ZNF385D: variants seen among roughly 807,000 people sequenced by gnomAD.
ZNF385D encodes zinc finger protein 385D.
A neutral mutation model predicts 35.8 loss-of-function variants in ZNF385D; 15 were observed. That is an observed-to-expected ratio of 0.42 (90% CI 0.28 to 0.64). The LOEUF is 0.64. ZNF385D is among the 30% of genes least tolerant of loss of function. The pLI is 0.23. For synonymous variants in ZNF385D, 212 were observed against 186.8 expected (o/e 1.13, Z -1.10); for missense variants, 474 against 494.6 (o/e 0.96, Z 0.39).
intron 4 of ZNF385D, among the ~76,000 whole-genome samples, chr3:21,502,314 A>G (rs1706435974): frequency 1.3e-5 from 2 of 152,214 alleles, no homozygotes; most frequent in Middle Eastern, 6.8e-3. Context: ...TCCCTCCAAC[A>G]TCATTTACTC....
At chr3:22,106,598 C>G (rs954077765) in intron 3 of ZNF385D, among the ~76,000 whole-genome samples, 1 of 152,124 alleles carries the variant, frequency 6.6e-6, no homozygotes, top group Admixed American at 6.6e-5. Flanking sequence ...TCTCACCAGT[C>G]CCTGCCCCCT....
At position 21,419,628 on chromosome 3, in the gene ZNF385D, T is replaced by G. The variant is rs2125235669; in HGVS notation, c.*1586A>C. On this transcript the variant is annotated 3_prime_UTR_variant, in exon 8 of 8. Coordinates refer to ENST00000281523, the MANE Select transcript of ZNF385D (RefSeq NM_024697.3). ...TTCTAAGTTTCAGTGTCATTGCTCT[T>G]ATTAATGCAACAGACTGGCTGCATC... The G allele has an allele frequency of 6.6e-6, 1 of 152,244 alleles. No homozygotes were observed. The highest frequency in any genetic ancestry group is 1.9e-4 in the East Asian group (1 of 5,178). 9.4% of individuals were successfully genotyped at this position (152,244 alleles called of 1,614,324 possible).
At chr3:22,262,343 T>C (rs1266941702) in intron 2 of ZNF385D, among the ~76,000 whole-genome samples, 1 of 151,830 alleles carries the variant, frequency 6.6e-6, no homozygotes, top group Non-Finnish European at 1.5e-5. Context: ...CATGGAAGAA[T>C]GGGTAAGAAA....
At chr3:21,927,716 G>A (rs1346888328) in intron 3 of ZNF385D, among the ~76,000 whole-genome samples, 2 of 152,158 alleles carry the variant, frequency 1.3e-5, no homozygotes, top group African/African-American at 4.8e-5. Flanking sequence ...TAGACTTCAA[G>A]ACAAAAATGT....
chr3:22,200,332 C>T (rs1056761060), intron 2 of ZNF385D, among the ~76,000 whole-genome samples: 3 of 151,982 alleles, frequency 2.0e-5, no homozygotes, highest in East Asian at 1.9e-4. Context: ...AATTTTAAAA[C>T]TGGGTGTCCG....
At chr3:21,424,115 CCT>C in intron 6 of ZNF385D, 51 bp from the exon 7 acceptor site, 5 of 1,481,838 alleles carry the variant, frequency 3.4e-6, no homozygotes, top group Middle Eastern at 1.8e-4. Context: ...TCTGCAAAAA[CCT>C]CTCACAAATA....
chr3:21,890,786 A>G (rs168948), intron 3 of ZNF385D, among the ~76,000 whole-genome samples: 21,717 of 152,190 alleles, frequency 0.14, 1,796 homozygotes, highest in Middle Eastern at 0.18. Flanking sequence ...GGGAAGGGGT[A>G]ATAAAGAGTC....
chr3:22,120,816 C>T (rs1051297320), intron 3 of ZNF385D, among the ~76,000 whole-genome samples: 1 of 152,096 alleles, frequency 6.6e-6, no homozygotes, highest in African/African-American at 2.4e-5. Context: ...AACCATAAGA[C>T]ATTTCATAGG....
At chr3:21,720,302 C>G (rs1294010555) in intron 1 of ZNF385D, among the ~76,000 whole-genome samples, 1 of 152,156 alleles carries the variant, frequency 6.6e-6, no homozygotes, top group Non-Finnish European at 1.5e-5. Context: ...GACTCAAATC[C>G]CAGTACTTTG....
At chr3:21,739,095 G>A (rs979557704) in intron 1 of ZNF385D, among the ~76,000 whole-genome samples, 10 of 152,158 alleles carry the variant, frequency 6.6e-5, no homozygotes, top group Admixed American at 2.6e-4. Context: ...TGAGGGAATC[G>A]GCTTTCCTGG....
chr3:22,043,163 C>G (rs1279403977), intron 3 of ZNF385D, among the ~76,000 whole-genome samples: 2 of 152,086 alleles, frequency 1.3e-5, no homozygotes, highest in Non-Finnish European at 2.9e-5. Flanking sequence ...TTATTTATCC[C>G]TAATGTTAAG....
intron 3 of ZNF385D, among the ~76,000 whole-genome samples, chr3:21,976,749 T>C (rs1703648628): frequency 1.3e-5 from 2 of 152,164 alleles, no homozygotes; most frequent in African/African-American, 2.4e-5. Flanking sequence ...TCTCAGCACT[T>C]TGGGAAGCCA....
intron 2 of ZNF385D, among the ~76,000 whole-genome samples, chr3:22,242,437 G>C (rs1193787231): frequency 1.3e-5 from 2 of 150,678 alleles, no homozygotes; most frequent in Non-Finnish European, 2.9e-5. Flanking sequence ...AAGTTTTATG[G>C]ATATCACGTA....
At chr3:21,682,691 A>T (rs2066955835) in intron 1 of ZNF385D, among the ~76,000 whole-genome samples, 1 of 150,068 alleles carries the variant, frequency 6.7e-6, no homozygotes, top group African/African-American at 2.5e-5. Context: ...AAACCTTAGC[A>T]ATCAAGTAAT....
At chr3:22,024,255 T>TA (rs1389203982) in intron 3 of ZNF385D, among the ~76,000 whole-genome samples, 3 of 152,100 alleles carry the variant, frequency 2.0e-5, no homozygotes, top group Non-Finnish European at 4.4e-5. Context: ...AACTTGCAGA[T>TA]AGCCCATTGT....
At chr3:22,168,001 A>G (rs979281462) in intron 3 of ZNF385D, among the ~76,000 whole-genome samples, 1 of 152,220 alleles carries the variant, frequency 6.6e-6, no homozygotes, top group African/African-American at 2.4e-5. Context: ...CTTGAAGCAA[A>G]CTACAAAATT....
At chr3:21,879,038 A>T (rs907240248) in intron 3 of ZNF385D, among the ~76,000 whole-genome samples, 5 of 152,044 alleles carry the variant, frequency 3.3e-5, no homozygotes, top group African/African-American at 1.2e-4. Context: ...CAGAAAAAAT[A>T]TGTGCCTTTG....
At chr3:22,037,936 T>A (rs1206916540) in intron 3 of ZNF385D, among the ~76,000 whole-genome samples, 3 of 152,114 alleles carry the variant, frequency 2.0e-5, no homozygotes, top group Non-Finnish European at 4.4e-5. Context: ...TATCTACAAC[T>A]ATCTGATCTT....
intron 3 of ZNF385D, among the ~76,000 whole-genome samples, chr3:21,915,368 C>A (rs1416977039): frequency 1.3e-5 from 2 of 152,050 alleles, no homozygotes; most frequent in African/African-American, 4.8e-5. Flanking sequence ...CTGTTCAAGA[C>A]AATGTAAATA....
Sources: allele counts gnomAD v4.1 joint callset (sites outside exome capture counted in the v4.1 genomes callset), GRCh38; gene constraint gnomAD v4.1.1; transcripts MANE v1.5; gene names NCBI Gene and HGNC (gene_info 2026-07-23, HGNC 2026-07-21).